HMGXB3: variants seen among roughly 807,000 people sequenced by gnomAD.
HMGXB3 encodes the protein HMG domain-containing protein 3.
A neutral mutation model predicts 121.5 loss-of-function variants in HMGXB3; 45 were observed. That is an observed-to-expected ratio of 0.37 (90% CI 0.29 to 0.47). HMGXB3 has a LOEUF of 0.47. Ranked by LOEUF, HMGXB3 falls within the 20% of genes least tolerant of loss-of-function variation. HMGXB3 has a pLI of 0.99. For missense variants in HMGXB3, 1,376 were observed against 1,602.2 expected (o/e 0.86, Z 2.41); for synonymous variants, 590 against 624.1 (o/e 0.95, Z 0.81).
chr5:150,031,988 A>G (rs1288755507), intron 10 of HMGXB3, among the ~76,000 whole-genome samples: 2 of 151,980 alleles, frequency 1.3e-5, no homozygotes, highest in Non-Finnish European at 2.9e-5. Context: ...TTTAGGGGGA[A>G]CTACCCCTGA....
rs1405515070 is a variant in HMGXB3 at position 150,010,607 on chromosome 5, G to A, written c.809G>A (p.Arg270Lys). The change falls in exon 4 of 20, where the codon AGG becomes AAG. Residue 270 changes from arginine to lysine, a missense_variant and splice_region_variant. Transcript: ENST00000502717. ...AGTGTATCAGTGGTAACAGTCATGAGGGTAAGTGGCTTTGGTACTGAAGTC... is the reference window on the plus strand; with the variant it reads ...AGTGTATCAGTGGTAACAGTCATGAAGGTAAGTGGCTTTGGTACTGAAGTC... ...GESVSVVTVM[R>K]DSSESSSSAP... 3 of 1,548,712 alleles carry A rather than the reference G, an allele frequency of 1.9e-6. No homozygotes were observed. The highest frequency in any genetic ancestry group is 1.2e-5 in the South Asian group (1 of 83,810).
intron 5 of HMGXB3, among the ~76,000 whole-genome samples, chr5:150,017,018 T>A (rs1241556255): frequency 6.6e-6 from 1 of 152,230 alleles, no homozygotes; most frequent in African/African-American, 2.4e-5. Flanking sequence ...AGCCTGCAGC[T>A]TTGACTCATG....
chr5:150,015,916 T>G (rs1258514789), intron 5 of HMGXB3, among the ~76,000 whole-genome samples: 2 of 152,240 alleles, frequency 1.3e-5, no homozygotes, highest in East Asian at 3.8e-4. Flanking sequence ...ATAAATGTTA[T>G]GTACACTTGA....
At chr5:150,039,017 G>A in intron 13 of HMGXB3, among the ~76,000 whole-genome samples, 1 of 152,228 alleles carries the variant, frequency 6.6e-6, no homozygotes, top group East Asian at 1.9e-4. Flanking sequence ...TAAGAAAACT[G>A]CATTACCAAA....
Position 150,032,618 on chromosome 5 carries a change from C to G in HMGXB3, c.1983+15C>G, listed in dbSNP as rs564579938. The stretch of plus-strand genomic sequence containing the variant: ...CCAAGGCTATCGTGAGTTCCTTCCC[C>G]CAAACACATCCCCTGGCCTGTTCTG... On this transcript the variant is annotated intron_variant, in intron 11 of 19. Transcript: ENST00000502717. 4 of 1,552,146 alleles carry G rather than the reference C, an allele frequency of 2.6e-6. No homozygotes were observed. Among genetic ancestry groups the G allele is most frequent in the East Asian group, 2.4e-5 (1 of 40,908 alleles).
rs759042859 is a variant in HMGXB3, at chr5:150,045,485, T to G, written c.2750T>G (p.Leu917Arg). Reference sequence around the variant, plus strand: ...TTCTAGTTCACCTGGCCTGAATTCCTGGGCTCTAATGAGGTAAATGTGGAG... The same window carrying G: ...TTCTAGTTCACCTGGCCTGAATTCCGGGGCTCTAATGAGGTAAATGTGGAG... ...KSVEFTWPEF[L>R]GSNEVNVEDF... is the part of the protein sequence containing the mutation. The change falls in exon 16 of 20, where the codon CTG becomes CGG. Residue 917 changes from leucine to arginine, a missense_variant. Transcript: ENST00000502717. 1.3e-6 allele frequency: 2 copies of G among 1,552,296 alleles called. No individual in the cohort carries two copies. Among genetic ancestry groups the G allele is most frequent in the South Asian group, 2.4e-5 (2 of 84,058 alleles).
intron 11 of HMGXB3, among the ~76,000 whole-genome samples, chr5:150,033,489 G>A (rs1561874767): frequency 1.3e-5 from 2 of 152,164 alleles, no homozygotes; most frequent in Non-Finnish European, 2.9e-5. Flanking sequence ...ATAAGGATAA[G>A]TGTGAGTGAT....
chr5:150,041,245 T>G (rs937826975), intron 14 of HMGXB3, among the ~76,000 whole-genome samples: 1 of 152,224 alleles, frequency 6.6e-6, no homozygotes, highest in Admixed American at 6.5e-5. Context: ...GTGAGGACCA[T>G]CCTTTCTGTC....
At chr5:150,036,986 A>C in intron 12 of HMGXB3, 49 bp downstream of exon 12, 12 of 1,427,112 alleles carry the variant, frequency 8.4e-6, no homozygotes, top group East Asian at 2.5e-5. Flanking sequence ...CATTTGGCTC[A>C]TACTGCTCTT....
At chr5:150,007,884 A>G (rs757489469) in intron 3 of HMGXB3, among the ~76,000 whole-genome samples, 2 of 151,996 alleles carry the variant, frequency 1.3e-5, no homozygotes, top group Non-Finnish European at 2.9e-5. Flanking sequence ...GCGAAACTCT[A>G]TCTCTACAAA....
At chr5:150,003,005 T>C (rs1755615024) in intron 1 of HMGXB3, among the ~76,000 whole-genome samples, 1 of 152,186 alleles carries the variant, frequency 6.6e-6, no homozygotes, top group Admixed American at 6.5e-5. Flanking sequence ...TTGCCAGACT[T>C]GGTGGTGCAC....
At chr5:150,004,769 G>A (rs562722620) in intron 1 of HMGXB3, 82 bp from the exon 2 acceptor site, 2 of 927,666 alleles carry the variant, frequency 2.2e-6, no homozygotes. Context: ...ACTGGCAGAG[G>A]TAAGGGGTTA....
intron 16 of HMGXB3, 138 bp from the exon 17 acceptor site, chr5:150,047,486 C>G: frequency 2.1e-6 from 2 of 969,734 alleles, no homozygotes. Flanking sequence ...GTGGACCTGA[C>G]TTGAGTTCCA....
Position 150,053,051 on chromosome 5 carries a change from T to C in HMGXB3, c.*859T>C, listed in dbSNP as rs1315723754. ...TTGTTTAGGGCCTGGGAATTGGCCA[T>C]GTGTTAATTTATTGAGTGGAGTAGG... is the stretch of plus-strand genomic sequence containing the variant. On this transcript the variant is annotated 3_prime_UTR_variant, in exon 20 of 20. Transcript: ENST00000502717. 2 of 171,094 alleles carry C rather than the reference T, an allele frequency of 1.2e-5. No homozygotes were observed. Among genetic ancestry groups the C allele is most frequent in the Non-Finnish European group, 2.5e-5 (2 of 78,772 alleles). The allele number at this position is 171,094 out of a possible 1,614,324, so 10.6% of individuals were successfully genotyped here.
chr5:150,050,673 G>A (rs1379199124), intron 19 of HMGXB3, among the ~76,000 whole-genome samples: 6 of 152,170 alleles, frequency 3.9e-5, no homozygotes, highest in Admixed American at 3.9e-4. Flanking sequence ...TAGAGATGGG[G>A]TTTGGCCATT....
At chr5:150,017,455 C>A (rs1379194156) in intron 5 of HMGXB3, among the ~76,000 whole-genome samples, 5 of 152,106 alleles carry the variant, frequency 3.3e-5, no homozygotes, top group Non-Finnish European at 7.4e-5. Flanking sequence ...GAAGAACAGG[C>A]GATTTTACAG....
chr5:150,006,711 C>A, intron 3 of HMGXB3, 64 bp downstream of exon 3: 2 of 1,370,982 alleles, frequency 1.5e-6, no homozygotes, highest in Non-Finnish European at 2.0e-6. Flanking sequence ...TTGGGAAAAC[C>A]AAGCCCCTTG....
rs747121077 is a variant in HMGXB3, at chr5:150,047,611, T to G, written c.2951-13T>G. ...CGGCAGCACCCTCCCACCAGCACTG[T>G]TGTCTCTTGCAGGCAGTGGCAGTGC... On this transcript the variant is annotated splice_polypyrimidine_tract_variant and intron_variant, in intron 16 of 19. Coordinates refer to ENST00000502717, the MANE Select transcript of HMGXB3 (RefSeq NM_014983.3). 18 of 1,551,434 alleles carry G rather than the reference T, an allele frequency of 1.2e-5. No homozygotes were observed. Among genetic ancestry groups the G allele is most frequent in the Non-Finnish European group, 1.4e-5 (16 of 1,146,918 alleles).
chr5:150,049,197 G>T (rs147968729), intron 18 of HMGXB3, among the ~76,000 whole-genome samples: 80 of 152,288 alleles, frequency 5.3e-4, no homozygotes, highest in African/African-American at 1.7e-3. Context: ...CTGAGAGGAG[G>T]GGGTGTTGGA....
Sources: gnomAD v4.1 joint callset for allele counts (sites outside exome capture counted in the v4.1 genomes callset) on GRCh38, gnomAD v4.1.1 for gene constraint, MANE v1.5 for transcripts, NCBI Gene and HGNC (gene_info 2026-07-23, HGNC 2026-07-21) for gene names.